The following ZMIZ1 variants were observed in gnomAD, a reference collection of about 807,000 sequenced individuals.
ZMIZ1 encodes zinc finger MIZ domain-containing protein 1.
ZMIZ1 carries 17 observed loss-of-function variants against 113.9 expected under a neutral mutation model. That is an observed-to-expected ratio of 0.15 (90% CI 0.10 to 0.22). The LOEUF (loss-of-function observed/expected upper bound fraction) is 0.22. Among genes scored for constraint, ZMIZ1 ranks in the 10% least tolerant of loss-of-function variants. The pLI, the probability that ZMIZ1 is intolerant of heterozygous loss-of-function variation, is 1.00. For synonymous variants in ZMIZ1, 607 were observed against 603.1 expected (o/e 1.01, Z -0.09); for missense variants, 1,059 against 1,477.8 (o/e 0.72, Z 4.65).
chr10:79,094,968 AAGAG>A (rs1554849657), intron 1 of ZMIZ1, among the ~76,000 whole-genome samples: 61 of 150,396 alleles, frequency 4.1e-4, no homozygotes, highest in Admixed American at 1.3e-3. Context: ...AAAAAAAAAA[AAGAG>A]AGAGAGAGAA....
chr10:79,201,489 A>G (rs1589416447), intron 4 of ZMIZ1, 95 bp from the exon 5 acceptor site: 2 of 906,260 alleles, frequency 2.2e-6, no homozygotes, highest in Non-Finnish European at 3.5e-6. Flanking sequence ...GGACTCTGGA[A>G]CCTGCCAGTG....
At chr10:79,214,075 A>G (rs1047772870) in intron 6 of ZMIZ1, among the ~76,000 whole-genome samples, 2 of 152,208 alleles carry the variant, frequency 1.3e-5, no homozygotes, top group African/African-American at 4.8e-5. Flanking sequence ...GAGTCCACGT[A>G]TGAGCTGCAG....
intron 7 of ZMIZ1, among the ~76,000 whole-genome samples, chr10:79,260,709 G>A (rs1222549976): frequency 6.6e-6 from 1 of 152,172 alleles, no homozygotes; most frequent in Non-Finnish European, 1.5e-5. Context: ...TGGAATCATC[G>A]GATGTGATGG....
At chr10:79,229,751 T>C (rs1251423497) in intron 7 of ZMIZ1, among the ~76,000 whole-genome samples, 1 of 152,056 alleles carries the variant, frequency 6.6e-6, no homozygotes, top group Non-Finnish European at 1.5e-5. Flanking sequence ...GGCAGGGACA[T>C]GCTTAGGAAA....
intron 4 of ZMIZ1, among the ~76,000 whole-genome samples, chr10:79,170,273 A>G (rs1312901813): frequency 6.6e-6 from 1 of 152,196 alleles, no homozygotes; most frequent in Non-Finnish European, 1.5e-5. Context: ...TCACACTGAT[A>G]AACCAGGGGT....
chr10:79,255,633 A>G (rs1850840991), intron 7 of ZMIZ1, among the ~76,000 whole-genome samples: 1 of 151,820 alleles, frequency 6.6e-6, no homozygotes, highest in Non-Finnish European at 1.5e-5. Flanking sequence ...GTTCCTGCCT[A>G]TCTCTGTCTC....
chr10:79,208,301 T>C (rs778267493), intron 5 of ZMIZ1, 35 bp from the exon 6 acceptor site: 2 of 1,592,328 alleles, frequency 1.3e-6, no homozygotes, highest in Non-Finnish European at 1.7e-6. Context: ...CCCTCACTCT[T>C]GGAGCCTCAG....
chr10:79,112,709 AG>A (rs1353657456), intron 1 of ZMIZ1, among the ~76,000 whole-genome samples: 1 of 152,226 alleles, frequency 6.6e-6, no homozygotes, highest in East Asian at 1.9e-4. Flanking sequence ...CCGTTCCTGC[AG>A]ATCTAAGGAC....
At chr10:79,170,470 C>T (rs1846551423) in intron 4 of ZMIZ1, among the ~76,000 whole-genome samples, 1 of 152,226 alleles carries the variant, frequency 6.6e-6, no homozygotes, top group South Asian at 2.1e-4. Context: ...GAAGCTGTTC[C>T]CTGGGTGTCA....
At chr10:79,284,117 G>A (rs1852909574) in intron 8 of ZMIZ1, among the ~76,000 whole-genome samples, 2 of 152,002 alleles carry the variant, frequency 1.3e-5, no homozygotes, top group Non-Finnish European at 2.9e-5. Context: ...TGCTGCCATA[G>A]CGGGTGCACA....
intron 7 of ZMIZ1, among the ~76,000 whole-genome samples, chr10:79,217,961 CCTCTT>C (rs1848806292): frequency 6.6e-6 from 1 of 152,246 alleles, no homozygotes; most frequent in Non-Finnish European, 1.5e-5. Flanking sequence ...AAGACACATA[CCTCTT>C]AAGTGCCCGT....
chr10:79,209,523 C>T (rs935393538), intron 6 of ZMIZ1, among the ~76,000 whole-genome samples: 2 of 152,212 alleles, frequency 1.3e-5, no homozygotes, highest in Admixed American at 6.5e-5. Flanking sequence ...CAGGGGAGCC[C>T]GCCTATCCTG....
intron 4 of ZMIZ1, among the ~76,000 whole-genome samples, chr10:79,188,546 G>A (rs1417537436): frequency 1.3e-5 from 2 of 152,080 alleles, no homozygotes; most frequent in Non-Finnish European, 2.9e-5. Context: ...GCTTCTCTTC[G>A]CACAGACGTC....
At chr10:79,210,343 G>A (rs1355858821) in intron 6 of ZMIZ1, among the ~76,000 whole-genome samples, 4 of 152,252 alleles carry the variant, frequency 2.6e-5, no homozygotes, top group Admixed American at 1.3e-4. Context: ...TTGTCCATGC[G>A]TTCATTCATG....
rs1307228706 is a variant in ZMIZ1 at position 79,313,462 on chromosome 10, G to C, written c.*713G>C. The C allele has an allele frequency of 1.9e-5, 3 of 158,050 alleles. No homozygotes were observed. Among genetic ancestry groups the C allele is most frequent in the Non-Finnish European group, 2.8e-5 (2 of 72,192 alleles). The allele number at this position is 158,050 out of a possible 1,614,324, so 9.8% of individuals were successfully genotyped here. A position where few individuals can be genotyped will look rare whatever the true frequency, so the allele number is the denominator to read the frequency against. ...TGCCATTCCTGCTTGGGGACTGGTG[G>C]GGAAGAGGGCCAGGACATCTTCTGA... On this transcript the variant is annotated 3_prime_UTR_variant, in exon 25 of 25. Coordinates refer to ENST00000334512, the MANE Select transcript of ZMIZ1 (RefSeq NM_020338.4).
At chr10:79,235,897 G>A (rs1849570217) in intron 7 of ZMIZ1, among the ~76,000 whole-genome samples, 1 of 152,258 alleles carries the variant, frequency 6.6e-6, no homozygotes, top group African/African-American at 2.4e-5. Flanking sequence ...CGTGGAACAA[G>A]CCAGGAGTCT....
At chr10:79,248,671 T>C (rs950676805) in intron 7 of ZMIZ1, among the ~76,000 whole-genome samples, 1 of 152,190 alleles carries the variant, frequency 6.6e-6, no homozygotes, top group Admixed American at 6.5e-5. Flanking sequence ...CAGCCAGCTC[T>C]GCCTTCTGAG....
intron 4 of ZMIZ1, among the ~76,000 whole-genome samples, chr10:79,176,664 T>C (rs887922114): frequency 2.0e-5 from 3 of 150,050 alleles, no homozygotes; most frequent in South Asian, 2.1e-4. Flanking sequence ...ACCTGCTTGA[T>C]AGCAAGGCTT....
intron 13 of ZMIZ1, among the ~76,000 whole-genome samples, chr10:79,297,188 G>A (rs966455520): frequency 6.6e-6 from 1 of 152,178 alleles, no homozygotes; most frequent in Non-Finnish European, 1.5e-5. Flanking sequence ...TATTTGGGTT[G>A]CTTCTGATTT....
Sources: gnomAD v4.1 joint callset for allele counts (sites outside exome capture counted in the v4.1 genomes callset) on GRCh38, gnomAD v4.1.1 for gene constraint, MANE v1.5 for transcripts, NCBI Gene and HGNC (gene_info 2026-07-23, HGNC 2026-07-21) for gene names.